NKAIN2: variants seen among roughly 807,000 people sequenced by gnomAD.
NKAIN2 encodes the protein sodium/potassium-transporting ATPase subunit beta-1-interacting protein 2.
A neutral mutation model predicts 32.6 loss-of-function variants in NKAIN2; 14 were observed. The observed-to-expected ratio is 0.43, with a 90% confidence interval of 0.28 to 0.67. The LOEUF is 0.67. Among genes scored for constraint, NKAIN2 ranks in the 30% least tolerant of loss-of-function variants. The pLI, the probability that NKAIN2 is intolerant of heterozygous loss-of-function variation, is 0.17. For synonymous variants in NKAIN2, 80 were observed against 87.2 expected, an observed-to-expected ratio of 0.92 and a Z score of 0.46; for missense variants, 198 against 258.3, an observed-to-expected ratio of 0.77 and a Z score of 1.60.
chr6:124,800,079 C>T (rs1780181511), intron 5 of NKAIN2, among the ~76,000 whole-genome samples: 1 of 152,178 alleles, frequency 6.6e-6, no homozygotes, highest in Non-Finnish European at 1.5e-5. Context: ...AAAACGCTGG[C>T]ACAGGAAAAT....
intron 1 of NKAIN2, among the ~76,000 whole-genome samples, chr6:124,057,105 C>T (rs923382683): frequency 3.3e-5 from 5 of 152,082 alleles, no homozygotes; most frequent in African/African-American, 1.2e-4. Context: ...AAGGTTGAAT[C>T]CATTAACCCA....
chr6:124,151,296 A>G (rs983510789), intron 1 of NKAIN2, among the ~76,000 whole-genome samples: 2 of 152,074 alleles, frequency 1.3e-5, no homozygotes, highest in African/African-American at 2.4e-5. Context: ...ACATATAATG[A>G]TGAACACAAA....
At chr6:124,142,169 C>T (rs1582726725) in intron 1 of NKAIN2, among the ~76,000 whole-genome samples, 2 of 152,082 alleles carry the variant, frequency 1.3e-5, no homozygotes, top group East Asian at 3.9e-4. Context: ...TGGGAGGGGC[C>T]CTGAAATCCA....
intron 1 of NKAIN2, among the ~76,000 whole-genome samples, chr6:123,873,590 G>A (rs925239424): frequency 6.6e-6 from 1 of 152,128 alleles, no homozygotes; most frequent in Admixed American, 6.6e-5. Flanking sequence ...CTTTATAGGA[G>A]GGCATTTCTT....
At chr6:124,328,142 T>C (rs1797495366) in intron 2 of NKAIN2, among the ~76,000 whole-genome samples, 1 of 152,170 alleles carries the variant, frequency 6.6e-6, no homozygotes, top group African/African-American at 2.4e-5. Flanking sequence ...AAAGCATGGA[T>C]ATATTATTTA....
intron 3 of NKAIN2, among the ~76,000 whole-genome samples, chr6:124,540,884 G>C (rs987393576): frequency 1.3e-5 from 2 of 152,164 alleles, no homozygotes; most frequent in African/African-American, 2.4e-5. Context: ...CACATTTAAG[G>C]TAGGCTAGGC....
intron 3 of NKAIN2, among the ~76,000 whole-genome samples, chr6:124,459,111 T>C (rs1238752150): frequency 6.6e-6 from 1 of 151,824 alleles, no homozygotes; most frequent in East Asian, 1.9e-4. Flanking sequence ...TAAAATATTT[T>C]AGAAAATTTG....
chr6:123,803,994 G>C lies in NKAIN2; in HGVS notation c.-207G>C. ...GAGCGAGTGAAGGTATGTGTGGCGG[G>C]CGCGGCTGGAGCTGCCGCCGCCGCC... On this transcript the variant is annotated 5_prime_UTR_variant, in exon 1 of 7. Coordinates refer to ENST00000368417, the MANE Select transcript of NKAIN2 (RefSeq NM_001040214.3). 1 of 579,068 alleles carries C rather than the reference G, an allele frequency of 1.7e-6. No homozygotes were observed. Among genetic ancestry groups the C allele is most frequent in the Non-Finnish European group, 3.1e-6 (1 of 324,342 alleles). The allele number at this position is 579,068 out of a possible 1,614,324, so 35.9% of individuals were successfully genotyped here.
At position 124,454,064 on chromosome 6, in the gene NKAIN2, T is replaced by A. The variant is rs571117876; in HGVS notation, c.273+98717T>A. Among the ~76,000 whole-genome samples, 49 of 146,518 alleles carry A rather than the reference T, an allele frequency of 3.3e-4. No homozygotes were observed. In the South Asian group the frequency reaches 0.011, roughly 33 times the overall value. On this transcript the variant is annotated intron_variant, in intron 3 of 6. Transcript: ENST00000368417. Reference sequence around the variant, plus strand: ...TAAACCAGAAGAGTATAAAATTATTTCATTGAAATACTTAGTTCTTTAATA... The same window carrying A: ...TAAACCAGAAGAGTATAAAATTATTACATTGAAATACTTAGTTCTTTAATA...
At chr6:124,750,289 A>T (rs1777646389) in intron 4 of NKAIN2, among the ~76,000 whole-genome samples, 2 of 151,910 alleles carry the variant, frequency 1.3e-5, no homozygotes, top group Admixed American at 6.6e-5. Context: ...CATTGCCCAG[A>T]CCCATCAGGT....
At chr6:124,246,593 C>T (rs1793413493) in intron 1 of NKAIN2, among the ~76,000 whole-genome samples, 1 of 152,044 alleles carries the variant, frequency 6.6e-6, no homozygotes. Context: ...GGCCTCGACA[C>T]CTCTTTCATA....
At chr6:124,265,284 G>A (rs1016924560) in intron 1 of NKAIN2, among the ~76,000 whole-genome samples, 1 of 151,310 alleles carries the variant, frequency 6.6e-6, no homozygotes, top group Non-Finnish European at 1.5e-5. Context: ...TTTTAACAAC[G>A]GAAACAAACT....
intron 5 of NKAIN2, among the ~76,000 whole-genome samples, chr6:124,817,430 C>T (rs1781215108): frequency 6.6e-6 from 1 of 152,122 alleles, no homozygotes; most frequent in Admixed American, 6.6e-5. Flanking sequence ...TATACTGTTA[C>T]TGAAACACTT....
chr6:124,223,456 C>G (rs1486685305), intron 1 of NKAIN2, among the ~76,000 whole-genome samples: 3 of 152,066 alleles, frequency 2.0e-5, no homozygotes, highest in African/African-American at 7.2e-5. Flanking sequence ...CCTAGGGTTT[C>G]TACCATTGGG....
intron 1 of NKAIN2, among the ~76,000 whole-genome samples, chr6:123,960,365 C>T (rs1245524133): frequency 6.6e-6 from 1 of 152,130 alleles, no homozygotes; most frequent in Non-Finnish European, 1.5e-5. Context: ...GGGACCTCTT[C>T]TCCTCTAGAT....
chr6:124,027,020 C>T (rs985702760), intron 1 of NKAIN2, among the ~76,000 whole-genome samples: 2 of 152,108 alleles, frequency 1.3e-5, no homozygotes, highest in Non-Finnish European at 2.9e-5. Flanking sequence ...CCTACTTCCT[C>T]TTCTGTTTCT....
chr6:124,254,797 A>C (rs1793848141), intron 1 of NKAIN2, among the ~76,000 whole-genome samples: 1 of 152,214 alleles, frequency 6.6e-6, no homozygotes, highest in Non-Finnish European at 1.5e-5. Context: ...AAAATGCTTT[A>C]ACAACAGCAA....
chr6:124,421,658 G>A (rs1457668806), intron 3 of NKAIN2, among the ~76,000 whole-genome samples: 2 of 152,154 alleles, frequency 1.3e-5, no homozygotes, highest in East Asian at 3.8e-4. Context: ...ATGATGTGCT[G>A]TGGAAATGCA....
At chr6:123,830,546 A>G (rs1774337325) in intron 1 of NKAIN2, among the ~76,000 whole-genome samples, 1 of 152,172 alleles carries the variant, frequency 6.6e-6, no homozygotes. Flanking sequence ...CGTAGTTTAC[A>G]CTTACATATC....
Sources: gnomAD v4.1 joint callset for allele counts (sites outside exome capture counted in the v4.1 genomes callset) on GRCh38, gnomAD v4.1.1 for gene constraint, MANE v1.5 for transcripts, NCBI Gene and HGNC (gene_info 2026-07-23, HGNC 2026-07-21) for gene names.